FANCA: variants seen among roughly 807,000 people sequenced by gnomAD.
The protein encoded by FANCA is Fanconi anemia group A protein.
Under a neutral mutation model 194.3 loss-of-function variants are expected in FANCA, and 236 were observed. The ratio of observed to expected loss-of-function variants is 1.21; its 90% CI spans 1.09 to 1.35. The LOEUF (loss-of-function observed/expected upper bound fraction) is 1.35, where lower values mean the gene tolerates loss of function less well. Among genes scored for constraint, FANCA ranks in the 40% most tolerant of loss-of-function variants. The probability of loss-of-function intolerance (pLI) is 0.00; values close to 1 mark genes in which losing one functional copy is unlikely to be tolerated. For missense variants in FANCA, 2,628 were observed against 1,813.9 expected (o/e 1.45, Z -8.15); for synonymous variants, 1,014 against 715.8 (o/e 1.42, Z -6.65).
intron 34 of FANCA, 36 bp downstream of exon 34, chr16:89,746,795 G>A (rs2038405843): frequency 1.3e-6 from 2 of 1,576,784 alleles, no homozygotes; most frequent in East Asian, 2.3e-5. Context: ...ACGGCGTTCT[G>A]AGAAGGCCAC....
chr16:89,746,921 G>GC, intron 33 of FANCA, 31 bp from the exon 34 acceptor site: 1 of 1,547,456 alleles, frequency 6.5e-7, no homozygotes, highest in Non-Finnish European at 8.7e-7. Context: ...GGTAAGAAAA[G>GC]CCCACAGGAA....
intron 31 of FANCA, among the ~76,000 whole-genome samples, chr16:89,751,634 C>A (rs2038595093): frequency 6.6e-6 from 1 of 152,112 alleles, no homozygotes; most frequent in African/African-American, 2.4e-5. Context: ...CACGGGTGGC[C>A]AGCACCAGTA....
In FANCA at chr16:89,738,611, T is replaced by C; in HGVS notation, c.4358A>G (p.His1453Arg). Residue 1453 changes from histidine (H) to arginine (R), a missense_variant, in exon 43 of 43, where the codon CAT becomes CGT. Coordinates refer to ENST00000389301, the MANE Select transcript of FANCA (RefSeq NM_000135.4). The stretch of plus-strand genomic sequence containing the variant: ...CAGTGGCAGGTCCCGTCAGAAGAGA[T>C]GAGGCTCCTGGGACAGGTCAGCGTC... ...APDADLSQEP[H>R]LF The C allele has an allele frequency of 6.2e-7, 1 of 1,613,310 alleles. No individual in the cohort carries two copies.
chr16:89,810,928 C>T lies in FANCA; in HGVS notation c.426+1G>A, dbSNP rs1343463467. On this transcript the variant is annotated splice_donor_variant, in intron 4 of 42. Coordinates refer to ENST00000389301, the MANE Select transcript of FANCA (RefSeq NM_000135.4). LOFTEE classifies it high-confidence loss of function. The stretch of plus-strand genomic sequence containing the variant: ...TTTCCTCATCTTTGCTGGTGTCTTA[C>T]TCTCTGCTCCACAGTCAGCAGCACA... 1.9e-6 allele frequency: 3 copies of T among 1,614,180 alleles called. No individual in the cohort carries two copies. Among genetic ancestry groups the T allele is most frequent in the East Asian group, 2.2e-5 (1 of 44,892 alleles).
Position 89,788,614 on chromosome 16 carries a change from C to T in FANCA, c.1359+2789G>A, listed in dbSNP as rs868519617. 1.9e-4 allele frequency among the ~76,000 whole-genome samples: 29 copies of T among 152,090 alleles called. 1 individual carries two copies. The highest frequency in any genetic ancestry group is 1.9e-4 in the East Asian group (1 of 5,156). On this transcript the variant is annotated intron_variant, in intron 14 of 42. Coordinates refer to ENST00000389301, the MANE Select transcript of FANCA (RefSeq NM_000135.4). ...GAATCTGAGACCAGCCTGAGCAACA[C>T]GGTATGACATTGTATTTACAAAAAA...
rs1052953767 is a variant in FANCA at position 89,791,380 on chromosome 16, T to C, written c.1359+23A>G. 3 of 1,612,688 alleles carry C rather than the reference T, an allele frequency of 1.9e-6. No homozygotes were observed. The Admixed American group carries it at 5.0e-5, about 27-fold the overall frequency. ...CCTTCTGGGAAGATCAGGTATTAGGTAGCCGATTGGCAGGTCACTTACCTT... is the reference window on the plus strand; with the variant it reads ...CCTTCTGGGAAGATCAGGTATTAGGCAGCCGATTGGCAGGTCACTTACCTT... On this transcript the variant is annotated intron_variant, in intron 14 of 42. Coordinates refer to ENST00000389301, the MANE Select transcript of FANCA (RefSeq NM_000135.4).
chr16:89,816,360 G>C lies in FANCA; in HGVS notation c.79+177C>G, dbSNP rs970879362. ...TGGGGGCGTCCGCCCAGGCGCAGGAGGGGCCGGGTCCGAGGCAGCCGCGCC... is the reference window on the plus strand; with the variant it reads ...TGGGGGCGTCCGCCCAGGCGCAGGACGGGCCGGGTCCGAGGCAGCCGCGCC... On this transcript the variant is annotated intron_variant, in intron 1 of 42. Transcript: ENST00000389301. 3 of 359,446 alleles carry C rather than the reference G, an allele frequency of 8.3e-6. No individual in the cohort carries two copies. The East Asian group carries it at 1.4e-4, about 16-fold the overall frequency. The allele number at this position is 359,446 out of a possible 1,614,324, so 22.3% of individuals were successfully genotyped here.
chr16:89,760,792 C>A (rs1485043123), intron 29 of FANCA, among the ~76,000 whole-genome samples: 1 of 152,216 alleles, frequency 6.6e-6, no homozygotes, highest in African/African-American at 2.4e-5. Flanking sequence ...ACACCAGCCT[C>A]TGCTCCTGCC....
chr16:89,781,216 T>C (rs1406100956), intron 17 of FANCA, among the ~76,000 whole-genome samples: 3 of 141,214 alleles, frequency 2.1e-5, no homozygotes, highest in Non-Finnish European at 4.6e-5. Context: ...CACACAAAAT[T>C]AGCCTGACGT....
intron 28 of FANCA, among the ~76,000 whole-genome samples, chr16:89,763,438 A>G (rs1052806863): frequency 6.9e-6 from 1 of 145,562 alleles, no homozygotes; most frequent in Non-Finnish European, 1.6e-5. Flanking sequence ...AGCCTCCCAA[A>G]GTGCTGGGAT....
chr16:89,751,141 C>T (rs572243154), intron 31 of FANCA, among the ~76,000 whole-genome samples: 59 of 152,294 alleles, frequency 3.9e-4, no homozygotes, highest in African/African-American at 1.4e-3. Flanking sequence ...GATCTAGCCA[C>T]CTCAGCCTCC....
chr16:89,789,203 G>A (rs2039988974), intron 14 of FANCA, among the ~76,000 whole-genome samples: 1 of 151,766 alleles, frequency 6.6e-6, no homozygotes, highest in Non-Finnish European at 1.5e-5. Flanking sequence ...GAACTTTAAG[G>A]AATAGAAGTG....
intron 3 of FANCA, among the ~76,000 whole-genome samples, chr16:89,812,420 G>A (rs1215637438): frequency 6.6e-6 from 1 of 151,838 alleles, no homozygotes; most frequent in Non-Finnish European, 1.5e-5. Context: ...GCCGAGGCGG[G>A]TGGATCACCT....
intron 2 of FANCA, among the ~76,000 whole-genome samples, chr16:89,814,849 G>A (rs1436807772): frequency 2.0e-5 from 3 of 151,988 alleles, no homozygotes; most frequent in Non-Finnish European, 2.9e-5. Flanking sequence ...GCTGAGACGG[G>A]AGAATCACTT....
intron 8 of FANCA, among the ~76,000 whole-genome samples, chr16:89,801,978 A>C (rs972088677): frequency 6.6e-6 from 1 of 152,260 alleles, no homozygotes; most frequent in African/African-American, 2.4e-5. Flanking sequence ...AAAGGAAATC[A>C]GCCAGCTGAA....
intron 27 of FANCA, among the ~76,000 whole-genome samples, chr16:89,765,482 C>T (rs2039096209): frequency 6.6e-6 from 1 of 152,278 alleles, no homozygotes; most frequent in Non-Finnish European, 1.5e-5. Flanking sequence ...GCAGACCTTC[C>T]TGCCATCTGA....
Position 89,769,896 on chromosome 16 carries a change from A to G in FANCA, c.2445T>C (p.Pro815=), listed in dbSNP as rs1489533103. 1 of 1,614,146 alleles carries G rather than the reference A, an allele frequency of 6.2e-7. No individual in the cohort carries two copies. Among genetic ancestry groups the G allele is most frequent in the Non-Finnish European group, 8.5e-7 (1 of 1,180,008 alleles). Residue 815 remains proline (P), a synonymous_variant, in exon 26 of 43, where the codon CCT becomes CCC. Transcript: ENST00000389301. ...PPAPGAGLPV[P]ALFDSLLTCR... ...AGGTCAGGAGGCTGTCAAAGAGCGCAGGGACAGGAAGGCCAGCACCAGGTG... is the reference window on the plus strand; with the variant it reads ...AGGTCAGGAGGCTGTCAAAGAGCGCGGGGACAGGAAGGCCAGCACCAGGTG...
chr16:89,803,237 T>G (rs1398874168), intron 8 of FANCA, 22 bp downstream of exon 8: 6 of 1,611,122 alleles, frequency 3.7e-6, no homozygotes, highest in Non-Finnish European at 5.1e-6. Context: ...CGCTAAACTC[T>G]TCACTTGACT....
chr16:89,744,726 G>T, intron 36 of FANCA: 1 of 570,812 alleles, frequency 1.8e-6, no homozygotes, highest in Non-Finnish European at 3.2e-6. Context: ...GAGTGATCTC[G>T]GCTCACTGGA....
Sources: allele counts gnomAD v4.1 joint callset (sites outside exome capture counted in the v4.1 genomes callset), GRCh38; gene constraint gnomAD v4.1.1; transcripts MANE v1.5; gene names NCBI Gene and HGNC (gene_info 2026-07-23, HGNC 2026-07-21).